SWT1: variants seen among roughly 807,000 people sequenced by gnomAD.
SWT1 encodes SWT1 RNA endoribonuclease homolog, also known as transcriptional protein SWT1.
A neutral mutation model predicts 107.3 loss-of-function variants in SWT1; 33 were observed. That is an observed-to-expected ratio of 0.31 (90% CI 0.23 to 0.41). SWT1 has a LOEUF of 0.41. Among genes scored for constraint, SWT1 ranks in the 10% least tolerant of loss-of-function variants. The probability of loss-of-function intolerance (pLI) is 1.00; values close to 1 mark genes in which losing one functional copy is unlikely to be tolerated. For missense variants in SWT1, 898 were observed against 1,028.9 expected, an observed-to-expected ratio of 0.87 and a Z score of 1.74; for synonymous variants, 345 against 348.3, an observed-to-expected ratio of 0.99 and a Z score of 0.11.
intron 15 of SWT1, 69 bp downstream of exon 15, chr1:185,222,105 G>A: frequency 9.2e-7 from 1 of 1,082,652 alleles, no homozygotes; most frequent in Non-Finnish European, 1.3e-6. Context: ...CATATTTACA[G>A]GGTACAATTT....
Position 185,161,250 on chromosome 1 carries a change from A to G in SWT1, c.84+325A>G, listed in dbSNP as rs753217351. Among the ~76,000 whole-genome samples, 100 of 152,190 alleles carry G rather than the reference A, an allele frequency of 6.6e-4. 2 individuals carry two copies. The highest frequency in any genetic ancestry group is 1.3e-3 in the Non-Finnish European group (90 of 68,036). The stretch of plus-strand genomic sequence containing the variant: ...TCCCCTCATTCTTAGCGATAACTCA[A>G]CATTGAACCATTTTCCATGTTTTCT... On this transcript the variant is annotated intron_variant, in intron 2 of 18. Coordinates refer to ENST00000367500, the MANE Select transcript of SWT1 (RefSeq NM_017673.7).
At chr1:185,208,082 G>A (rs939991080) in intron 13 of SWT1, among the ~76,000 whole-genome samples, 1 of 152,004 alleles carries the variant, frequency 6.6e-6, no homozygotes, top group Non-Finnish European at 1.5e-5. Context: ...GTACAAGAGG[G>A]CCGTTAAATA....
At chr1:185,257,462 G>T (rs1269557540) in intron 16 of SWT1, among the ~76,000 whole-genome samples, 11 of 150,962 alleles carry the variant, frequency 7.3e-5, no homozygotes, top group African/African-American at 1.9e-4. Flanking sequence ...CTCCGAGCCA[G>T]GTGCGGGATA....
At chr1:185,227,860 T>G (rs1000337590) in intron 15 of SWT1, among the ~76,000 whole-genome samples, 2 of 150,738 alleles carry the variant, frequency 1.3e-5, no homozygotes, top group Admixed American at 1.3e-4. Flanking sequence ...CAGAGAGAGG[T>G]AGGAGGATTG....
At chr1:185,182,178 A>C in intron 7 of SWT1, 121 bp downstream of exon 7, 1 of 985,664 alleles carries the variant, frequency 1.0e-6, no homozygotes, top group African/African-American at 1.6e-5. Context: ...GAAATGAATG[A>C]TAAAGTAATA....
At chr1:185,184,995 G>A in intron 9 of SWT1, 64 bp downstream of exon 9, 3 of 1,154,090 alleles carry the variant, frequency 2.6e-6, no homozygotes, top group Non-Finnish European at 3.5e-6. Context: ...CTCATTATTG[G>A]AGGGAAATGG....
rs1299964056 is a variant in SWT1 at position 185,226,499 on chromosome 1, A to T, written c.2309+4463A>T. ...GCCTGTAATCCCAGCACTTTGGGAG[A>T]CTGAAGTGGGAGGATCACTTGAGGC... is the stretch of plus-strand genomic sequence containing the variant. On this transcript the variant is annotated intron_variant, in intron 15 of 18. Transcript: ENST00000367500. Among the ~76,000 whole-genome samples the T allele has an allele frequency of 2.0e-5, 3 of 152,130 alleles. No individual in the cohort carries two copies. In the East Asian group the frequency reaches 5.8e-4, roughly 29 times the overall value.
At chr1:185,259,181 A>G (rs1461919825) in intron 16 of SWT1, among the ~76,000 whole-genome samples, 1 of 152,056 alleles carries the variant, frequency 6.6e-6, no homozygotes, top group Admixed American at 6.5e-5. Context: ...CTCCTCCTCA[A>G]AGTCAGCCAA....
intron 15 of SWT1, among the ~76,000 whole-genome samples, chr1:185,224,145 A>G (rs1159368345): frequency 6.6e-6 from 1 of 151,924 alleles, no homozygotes; most frequent in Non-Finnish European, 1.5e-5. Context: ...ATTTTCTCCC[A>G]TTTTCTTGGT....
chr1:185,280,401 T>C (rs904482027), intron 18 of SWT1, among the ~76,000 whole-genome samples: 2 of 152,224 alleles, frequency 1.3e-5, no homozygotes, highest in Admixed American at 1.3e-4. Flanking sequence ...CTCTGGTTCC[T>C]GAGACAGAGC....
chr1:185,247,983 C>CT (rs1039798302), intron 16 of SWT1, among the ~76,000 whole-genome samples: 6 of 151,982 alleles, frequency 3.9e-5, no homozygotes, highest in African/African-American at 1.5e-4. Context: ...TTATTTCAGG[C>CT]TTTTTTGCAT....
At chr1:185,265,634 A>G (rs776580926) in intron 16 of SWT1, among the ~76,000 whole-genome samples, 1 of 152,148 alleles carries the variant, frequency 6.6e-6, no homozygotes, top group Non-Finnish European at 1.5e-5. Context: ...CAGCTTTGTT[A>G]CCTAGATAGG....
At chr1:185,208,230 A>G (rs1658489517) in intron 13 of SWT1, among the ~76,000 whole-genome samples, 1 of 152,176 alleles carries the variant, frequency 6.6e-6, no homozygotes, top group South Asian at 2.1e-4. Context: ...GAAAAAAAGG[A>G]AAAAAATTGC....
chr1:185,179,916 C>T (rs182061199), intron 5 of SWT1, among the ~76,000 whole-genome samples: 108 of 152,260 alleles, frequency 7.1e-4, no homozygotes, highest in African/African-American at 2.5e-3. Flanking sequence ...GCTGGCACTA[C>T]GGCTCACGCC....
At chr1:185,158,513 T>C (rs1653847824) in intron 1 of SWT1, among the ~76,000 whole-genome samples, 1 of 151,834 alleles carries the variant, frequency 6.6e-6, no homozygotes, top group South Asian at 2.1e-4. Context: ...TCATTTCTTT[T>C]TTTTTTTTTT....
intron 16 of SWT1, among the ~76,000 whole-genome samples, chr1:185,261,955 C>T (rs1016323214): frequency 2.6e-5 from 4 of 152,102 alleles, no homozygotes; most frequent in African/African-American, 9.7e-5. Flanking sequence ...GCTTGTGTCT[C>T]AGCCTTGATT....
intron 10 of SWT1, among the ~76,000 whole-genome samples, chr1:185,199,379 G>C (rs1222120729): frequency 6.6e-6 from 1 of 152,156 alleles, no homozygotes. Context: ...TTTTGCAGTG[G>C]CTGGTACTGG....
chr1:185,256,843 A>G (rs1414266400), intron 16 of SWT1, among the ~76,000 whole-genome samples: 15 of 152,308 alleles, frequency 9.8e-5, no homozygotes, highest in East Asian at 3.9e-4. Context: ...TTCCTTTGGA[A>G]GAGGAGAGGT....
chr1:185,237,172 A>G (rs138633907), intron 16 of SWT1, among the ~76,000 whole-genome samples: 193 of 152,254 alleles, frequency 1.3e-3, no homozygotes, highest in Non-Finnish European at 2.1e-3. Flanking sequence ...ATCTAGAAAT[A>G]CCATTTGACC....
Sources: gnomAD v4.1 joint callset for allele counts (sites outside exome capture counted in the v4.1 genomes callset) on GRCh38, gnomAD v4.1.1 for gene constraint, MANE v1.5 for transcripts, NCBI Gene and HGNC (gene_info 2026-07-23, HGNC 2026-07-21) for gene names.